The following SIPA1L1 variants were observed in gnomAD, a reference collection of about 807,000 sequenced individuals.
The protein encoded by SIPA1L1 is signal-induced proliferation-associated 1-like protein 1.
SIPA1L1 carries 26 observed loss-of-function variants against 162.7 expected under a neutral mutation model. The observed-to-expected ratio is 0.16, with a 90% CI of 0.12 to 0.22. SIPA1L1 has a LOEUF of 0.22. SIPA1L1 is among the 10% of genes least tolerant of loss of function. The pLI is 1.00. For missense variants in SIPA1L1, 1,874 were observed against 2,241.0 expected, an observed-to-expected ratio of 0.84 and a Z score of 3.31; for synonymous variants, 829 against 837.4, an observed-to-expected ratio of 0.99 and a Z score of 0.17.
Position 71,702,398 on chromosome 14 carries a change from G to T in SIPA1L1, c.3539G>T (p.Arg1180Ile). 1 of 1,614,108 alleles carries T rather than the reference G, an allele frequency of 6.2e-7. No homozygotes were observed. Among genetic ancestry groups the T allele is most frequent in the Non-Finnish European group, 8.5e-7 (1 of 1,179,952 alleles). ...SMPEGFGVSRRSPASIDRQNT... is the reference protein window; with the variant it reads ...SMPEGFGVSRISPASIDRQNT... ...CACCACAGGTTTGGAGTGAGCCGTA[G>T]ATCCCCAGCCTCCATTGACAGGCAG... Residue 1180 changes from arginine (R) to isoleucine (I), a missense_variant, in exon 15 of 24, where the codon AGA (arginine) becomes ATA (isoleucine). Physicochemically the swap from Arg to Ile is moderately conservative, Grantham distance 97 (BLOSUM62 -3). Around this residue, in one of 5 missense-constraint regions of SIPA1L1, gnomAD observed 936 missense variants for 1,051.9 expected, o/e 0.89. Coordinates refer to ENST00000381232, the MANE Select transcript of SIPA1L1 (RefSeq NM_001386936.1).
At chr14:71,727,160 A>C (rs1351870426) in intron 19 of SIPA1L1, among the ~76,000 whole-genome samples, 1 of 152,086 alleles carries the variant, frequency 6.6e-6, no homozygotes, top group Non-Finnish European at 1.5e-5. Context: ...ATTTTCCCCA[A>C]GGGTGGCATA....
intron 2 of SIPA1L1, among the ~76,000 whole-genome samples, chr14:71,464,209 G>T (rs112821482): frequency 6.6e-6 from 1 of 152,124 alleles, no homozygotes; most frequent in Non-Finnish European, 1.5e-5. Context: ...TAAGCTTTTG[G>T]ATCCCTTCCT....
intron 2 of SIPA1L1, among the ~76,000 whole-genome samples, chr14:71,408,648 A>AT (rs903428574): frequency 2.0e-5 from 3 of 151,780 alleles, no homozygotes; most frequent in Non-Finnish European, 2.9e-5. Context: ...TTTCAGGAAG[A>AT]TTTTTTTCCC....
chr14:71,595,037 A>G (rs979573077), intron 5 of SIPA1L1, among the ~76,000 whole-genome samples: 1 of 152,208 alleles, frequency 6.6e-6, no homozygotes, highest in Non-Finnish European at 1.5e-5. Context: ...AGCGTGGCTC[A>G]GCTGCACCCT....
Position 71,646,437 on chromosome 14 carries a change from A to G in SIPA1L1, c.1819-3898A>G, listed in dbSNP as rs971076275. On this transcript the variant is annotated intron_variant, in intron 7 of 23. Coordinates refer to ENST00000381232, the MANE Select transcript of SIPA1L1 (RefSeq NM_001386936.1). ...ATGAGCCACCCGCCTCGGCCTCCCAAAGTGCTGGGATTACAGGCGTGAGCC... is the reference window on the plus strand; with the variant it reads ...ATGAGCCACCCGCCTCGGCCTCCCAGAGTGCTGGGATTACAGGCGTGAGCC... Among the ~76,000 whole-genome samples, 3 of 152,202 alleles carry G rather than the reference A, an allele frequency of 2.0e-5. No homozygotes were observed. The South Asian group carries it at 6.2e-4, about 32-fold the overall frequency.
chr14:71,691,253 A>G (rs1279016335), intron 13 of SIPA1L1, among the ~76,000 whole-genome samples: 3 of 152,150 alleles, frequency 2.0e-5, no homozygotes, highest in African/African-American at 4.8e-5. Context: ...TAGCCCTTCC[A>G]TAGTTCCACA....
intron 22 of SIPA1L1, among the ~76,000 whole-genome samples, chr14:71,737,171 A>G (rs905958353): frequency 6.6e-6 from 1 of 152,176 alleles, no homozygotes; most frequent in South Asian, 2.1e-4. Flanking sequence ...ACTGTACACC[A>G]CGGTGGGTTT....
chr14:71,415,351 T>G (rs1566992885), intron 2 of SIPA1L1, among the ~76,000 whole-genome samples: 1 of 152,236 alleles, frequency 6.6e-6, no homozygotes, highest in African/African-American at 2.4e-5. Flanking sequence ...TCATTCTTCT[T>G]TAATAGAGGT....
rs112874639 is a variant in SIPA1L1, at chr14:71,536,299, C to T, written c.-303+6929C>T. 1.6e-3 allele frequency among the ~76,000 whole-genome samples: 236 copies of T among 152,244 alleles called. 1 individual carries two copies. Among genetic ancestry groups the T allele is most frequent in the Non-Finnish European group, 2.5e-3 (167 of 68,026 alleles). On this transcript the variant is annotated intron_variant, in intron 4 of 23. Transcript: ENST00000381232. ...TCAGGATAACTTAGTATGCCACAAC[C>T]CTCTTAACTTCCAATGGGCTTCTTT...
At chr14:71,580,392 T>C (rs1196005027) in intron 4 of SIPA1L1, among the ~76,000 whole-genome samples, 1 of 152,176 alleles carries the variant, frequency 6.6e-6, no homozygotes, top group African/African-American at 2.4e-5. Flanking sequence ...TCTGCGTAGG[T>C]ACCCTCATCT....
chr14:71,346,621 C>T (rs552173260), intron 2 of SIPA1L1, among the ~76,000 whole-genome samples: 5 of 152,044 alleles, frequency 3.3e-5, no homozygotes, highest in Non-Finnish European at 7.4e-5. Flanking sequence ...TAAGCAAAAG[C>T]GGGGATGGCT....
intron 13 of SIPA1L1, among the ~76,000 whole-genome samples, chr14:71,695,498 C>T (rs910767658): frequency 1.2e-4 from 18 of 152,190 alleles, no homozygotes; most frequent in African/African-American, 4.3e-4. Context: ...GTTTGGAGAG[C>T]AGGGTAAGAA....
At chr14:71,510,537 G>A (rs2051060837) in intron 2 of SIPA1L1, among the ~76,000 whole-genome samples, 1 of 151,988 alleles carries the variant, frequency 6.6e-6, no homozygotes, top group Non-Finnish European at 1.5e-5. Context: ...ACTATTTACT[G>A]TTAATATGTC....
At chr14:71,735,106 A>T (rs2085166626) in intron 21 of SIPA1L1, among the ~76,000 whole-genome samples, 171 bp from the exon 22 acceptor site, 1 of 152,216 alleles carries the variant, frequency 6.6e-6, no homozygotes, top group African/African-American at 2.4e-5. Context: ...CAATCCTCTT[A>T]TAGCTAAAAC....
At chr14:71,415,627 CT>C (rs397714324) in intron 2 of SIPA1L1, among the ~76,000 whole-genome samples, 8 of 151,402 alleles carry the variant, frequency 5.3e-5, no homozygotes, top group East Asian at 3.9e-4. Context: ...TCTAGATATA[CT>C]TTTTTTTTCC....
chr14:71,637,326 TGAGA>T (rs1044815956), intron 7 of SIPA1L1, among the ~76,000 whole-genome samples: 11 of 152,012 alleles, frequency 7.2e-5, no homozygotes, highest in African/African-American at 2.7e-4. Flanking sequence ...TAAGATATTT[TGAGA>T]GAGAGAGAGT....
chr14:71,626,029 C>G (rs2039946993), intron 7 of SIPA1L1, among the ~76,000 whole-genome samples: 1 of 152,144 alleles, frequency 6.6e-6, no homozygotes, highest in African/African-American at 2.4e-5. Flanking sequence ...GATAAGAACA[C>G]TATAAAGAGT....
chr14:71,322,478 G>A (rs923856964), intron 2 of SIPA1L1, among the ~76,000 whole-genome samples: 2 of 152,138 alleles, frequency 1.3e-5, no homozygotes, highest in African/African-American at 2.4e-5. Context: ...TAAAAAAGAG[G>A]ATAATATGGA....
intron 13 of SIPA1L1, among the ~76,000 whole-genome samples, chr14:71,691,140 A>G (rs566008836): frequency 5.2e-4 from 79 of 152,324 alleles, no homozygotes; most frequent in Non-Finnish European, 1.0e-3. Context: ...TCTTTTGCTT[A>G]CCTAAACTGT....
Sources: allele counts gnomAD v4.1 joint callset (sites outside exome capture counted in the v4.1 genomes callset), GRCh38; gene constraint gnomAD v4.1.1; regional missense constraint gnomAD v4.1.1; transcripts MANE v1.5; gene names NCBI Gene and HGNC (gene_info 2026-07-23, HGNC 2026-07-21).